Variants in TMEM39B observed in about 807,000 individuals in gnomAD.
TMEM39B encodes transmembrane protein 39B.
A neutral mutation model predicts 52.2 loss-of-function variants in TMEM39B; 23 were observed. The ratio of observed to expected loss-of-function variants is 0.44; its 90% confidence interval spans 0.32 to 0.62. TMEM39B has a LOEUF of 0.62. Ranked by LOEUF, TMEM39B falls within the 20% of genes least tolerant of loss-of-function variation. The probability of loss-of-function intolerance (pLI) is 0.06; values close to 1 mark genes in which losing one functional copy is unlikely to be tolerated. For synonymous variants in TMEM39B, 285 were observed against 264.0 expected (o/e 1.08, Z -0.77); for missense variants, 547 against 642.0 (o/e 0.85, Z 1.60).
At chr1:32,096,170 G>A (rs976831573) in intron 7 of TMEM39B, among the ~76,000 whole-genome samples, 4 of 152,036 alleles carry the variant, frequency 2.6e-5, no homozygotes, top group Admixed American at 1.3e-4. Flanking sequence ...CATGTGATGT[G>A]TCTTTTGCTT....
chr1:32,084,166 T>C (rs1640237581), intron 5 of TMEM39B, among the ~76,000 whole-genome samples: 1 of 152,198 alleles, frequency 6.6e-6, no homozygotes, highest in Admixed American at 6.5e-5. Context: ...TCTTTTTTCT[T>C]ATTGACAAAA....
rs1639792673 is a variant in TMEM39B, at chr1:32,075,019, G to A, written c.73G>A (p.Gly25Ser). ...NPLCEPGSSG[G>S]SSGSHTSSAS... ...GCTCTGTGAGCCGGGATCCTCGGGG[G>A]GCTCTAGTGGAAGCCACACTTCCAG... The change falls in exon 2 of 9, where the codon GGC becomes AGC. Residue 25 changes from glycine (G) to serine (S), a missense_variant. By Grantham distance (56) the Gly-to-Ser change is moderately conservative (BLOSUM62 0). Transcript: ENST00000336294. 6.4e-7 allele frequency: 1 copy of A among 1,551,574 alleles called. No homozygotes were observed. Among genetic ancestry groups the A allele is most frequent in the Non-Finnish European group, 8.7e-7 (1 of 1,146,960 alleles).
At chr1:32,095,400 C>T (rs947059337) in intron 7 of TMEM39B, among the ~76,000 whole-genome samples, 4 of 152,122 alleles carry the variant, frequency 2.6e-5, no homozygotes, top group Non-Finnish European at 4.4e-5. Flanking sequence ...GACTTAGGCC[C>T]AGCGGAGATA....
intron 5 of TMEM39B, among the ~76,000 whole-genome samples, chr1:32,082,277 A>C (rs980049611): frequency 1.3e-5 from 2 of 151,998 alleles, no homozygotes; most frequent in African/African-American, 4.8e-5. Context: ...ATGTAACCAC[A>C]TTTAAGCCTT....
chr1:32,096,270 A>G (rs1275449141), intron 7 of TMEM39B, among the ~76,000 whole-genome samples: 1 of 152,104 alleles, frequency 6.6e-6, no homozygotes, highest in East Asian at 1.9e-4. Context: ...CTGACCATCC[A>G]GAATGGGTTC....
intron 2 of TMEM39B, 100 bp from the exon 3 acceptor site, chr1:32,075,503 A>G: frequency 8.0e-7 from 1 of 1,252,434 alleles, no homozygotes; most frequent in East Asian, 2.6e-5. Flanking sequence ...CCTTGCTATG[A>G]GCTGCTTTTC....
At chr1:32,090,476 A>G (rs1044796981) in intron 5 of TMEM39B, among the ~76,000 whole-genome samples, 30 of 151,762 alleles carry the variant, frequency 2.0e-4, no homozygotes, top group African/African-American at 6.8e-4. Flanking sequence ...TTTTTCTGAG[A>G]CAAAGTCTTA....
At chr1:32,086,868 C>G (rs1193566814) in intron 5 of TMEM39B, 1 of 151,562 alleles carries the variant, frequency 6.6e-6, no homozygotes, top group Non-Finnish European at 1.5e-5. Flanking sequence ...GGCCCAGGAG[C>G]TTGAGACCAG....
At chr1:32,083,219 G>A (rs1430131130) in intron 5 of TMEM39B, among the ~76,000 whole-genome samples, 4 of 150,866 alleles carry the variant, frequency 2.7e-5, no homozygotes, top group African/African-American at 9.8e-5. Flanking sequence ...GAGTAGCTGG[G>A]ATTACAGGCA....
At chr1:32,083,888 G>A (rs747318880) in intron 5 of TMEM39B, among the ~76,000 whole-genome samples, 3 of 152,132 alleles carry the variant, frequency 2.0e-5, no homozygotes, top group Non-Finnish European at 2.9e-5. Context: ...TGGGACTACA[G>A]GTACAGGCTA....
At position 32,100,438 on chromosome 1, in the gene TMEM39B, C is replaced by A; in HGVS notation, c.1116-4C>A. 1 of 1,584,288 alleles carries A rather than the reference C, an allele frequency of 6.3e-7. No individual in the cohort carries two copies. Among genetic ancestry groups the A allele is most frequent in the Non-Finnish European group, 8.6e-7 (1 of 1,165,452 alleles). ...TAAGGGGCACCATTGAACTGTGCCC[C>A]CAGGTGGACTGAAGAATGCATGTGG... is the stretch of plus-strand genomic sequence containing the variant. On this transcript the variant is annotated splice_polypyrimidine_tract_variant and splice_region_variant and intron_variant, in intron 7 of 8. Transcript: ENST00000336294.
chr1:32,090,707 T>G (rs532427369), intron 5 of TMEM39B, among the ~76,000 whole-genome samples: 68 of 152,232 alleles, frequency 4.5e-4, no homozygotes, highest in African/African-American at 1.6e-3. Flanking sequence ...TGGCGCGATC[T>G]CGGCTCACTG....
chr1:32,087,442 G>C (rs1273915234), intron 5 of TMEM39B: 1 of 150,422 alleles, frequency 6.6e-6, no homozygotes, highest in Non-Finnish European at 1.5e-5. Flanking sequence ...TGACCAACAT[G>C]GAAAAACCCC....
chr1:32,093,708 G>A (rs915259704), intron 6 of TMEM39B, among the ~76,000 whole-genome samples: 2 of 151,898 alleles, frequency 1.3e-5, no homozygotes, highest in Non-Finnish European at 2.9e-5. Context: ...CACTGCGCCC[G>A]GCCCTTAATG....
In TMEM39B at chr1:32,075,682, G is replaced by T; in HGVS notation, c.211G>T (p.Glu71Ter). The change falls in exon 3 of 9, where the codon GAG (glutamate) becomes TAG (stop). Residue 71 changes from glutamate (E) to a stop codon, truncating the protein, a stop_gained. Coordinates refer to ENST00000336294, the MANE Select transcript of TMEM39B (RefSeq NM_018056.4). LOFTEE classifies it high-confidence loss of function. ...VVPLQHCKIP[E>*]LPVQASILFE... ...GCCTCTACAGCACTGCAAGATCCCCGAGCTGCCAGTCCAGGCCAGCATTCT... is the reference window on the plus strand; with the variant it reads ...GCCTCTACAGCACTGCAAGATCCCCTAGCTGCCAGTCCAGGCCAGCATTCT... The T allele has an allele frequency of 6.4e-7, 1 of 1,551,670 alleles. No individual in the cohort carries two copies. Among genetic ancestry groups the T allele is most frequent in the East Asian group, 2.4e-5 (1 of 40,916 alleles).
chr1:32,075,460 T>A (rs1462673839), intron 2 of TMEM39B, 143 bp from the exon 3 acceptor site: 1 of 845,166 alleles, frequency 1.2e-6, no homozygotes, highest in African/African-American at 1.7e-5. Context: ...GTCGGGTTCC[T>A]TTGTCTGACA....
chr1:32,077,013 C>A, intron 4 of TMEM39B, 151 bp from the exon 5 acceptor site: 1 of 1,294,748 alleles, frequency 7.7e-7, no homozygotes, highest in Non-Finnish European at 1.1e-6. Flanking sequence ...TACTGGGCAT[C>A]AAAGAGAAGG....
At chr1:32,089,155 T>TTTA (rs1316933065) in intron 5 of TMEM39B, among the ~76,000 whole-genome samples, 6 of 149,180 alleles carry the variant, frequency 4.0e-5, no homozygotes, top group African/African-American at 1.5e-4. Context: ...TTTTTTTTTT[T>TTTA]AGACAGGGTC....
intron 5 of TMEM39B, among the ~76,000 whole-genome samples, chr1:32,078,304 C>G (rs768645868): frequency 2.0e-5 from 3 of 151,950 alleles, no homozygotes; most frequent in African/African-American, 7.3e-5. Context: ...GGCAACATGG[C>G]GAAATCCTGT....
Sources: gnomAD v4.1 joint callset for allele counts (sites outside exome capture counted in the v4.1 genomes callset) on GRCh38, gnomAD v4.1.1 for gene constraint, MANE v1.5 for transcripts, NCBI Gene and HGNC (gene_info 2026-07-23, HGNC 2026-07-21) for gene names.